SEMA4C: variants seen among roughly 807,000 people sequenced by gnomAD.
SEMA4C encodes semaphorin 4C.
SEMA4C carries 19 observed loss-of-function variants against 89.0 expected under a neutral mutation model. The ratio of observed to expected loss-of-function variants is 0.21; its 90% CI spans 0.15 to 0.31. The LOEUF is 0.31. SEMA4C is among the 10% of genes least tolerant of loss of function. SEMA4C has a pLI of 1.00. For synonymous variants in SEMA4C, 428 were observed against 472.7 expected (o/e 0.91, Z 1.23); for missense variants, 811 against 1,107.0 (o/e 0.73, Z 3.79).
chr2:96,864,185 G>C lies in SEMA4C; in HGVS notation c.1108-37C>G. On this transcript the variant is annotated intron_variant, in intron 10 of 14. Transcript: ENST00000305476. This position sits in a 1 kb window ranked among gnomAD's most constrained non-coding sequence, Gnocchi z 6.3. ...GTGTGGGGGGCAGGCCATCAGCAGG[G>C]TGGGATGGCACCGCAGCTGGGTGGG... 6.2e-7 allele frequency: 1 copy of C among 1,612,916 alleles called. No individual in the cohort carries two copies. Among genetic ancestry groups the C allele is most frequent in the Admixed American group, 1.7e-5 (1 of 60,018 alleles).
At chr2:96,866,730 TG>T (rs747256429) in intron 2 of SEMA4C, 1 of 508,372 alleles carries the variant, frequency 2.0e-6, no homozygotes, top group South Asian at 1.7e-5. Flanking sequence ...TCAGGGTCAA[TG>T]GCACCTCCGG....
Position 96,860,302 on chromosome 2 carries a change from A to G in SEMA4C, c.*324T>C, listed in dbSNP as rs1452184316. 2.6e-6 allele frequency: 1 copy of G among 379,408 alleles called. No individual in the cohort carries two copies. The highest frequency in any genetic ancestry group is 4.8e-6 in the Non-Finnish European group (1 of 209,716). The allele number at this position is 379,408 out of a possible 1,614,324, so 23.5% of individuals were successfully genotyped here. A position where few individuals can be genotyped will look rare whatever the true frequency, so the allele number is the denominator to read the frequency against. On this transcript the variant is annotated 3_prime_UTR_variant, in exon 15 of 15. Coordinates refer to ENST00000305476, the MANE Select transcript of SEMA4C (RefSeq NM_017789.5). ...CGCACGCGCGTGCACACACACATACACACACACACAAACACATGTGCAAAT... is the reference window on the plus strand; with the variant it reads ...CGCACGCGCGTGCACACACACATACGCACACACACAAACACATGTGCAAAT...
chr2:96,862,098 C>A, intron 12 of SEMA4C: 1 of 607,896 alleles, frequency 1.6e-6, no homozygotes. Context: ...AGGGCTTACA[C>A]AGGCCAGATG....
intron 1 of SEMA4C, chr2:96,868,418 G>C (rs2080130771): frequency 1.0e-6 from 1 of 1,001,720 alleles, no homozygotes; most frequent in African/African-American, 1.7e-5. Flanking sequence ...GGGGAAACCT[G>C]GTGCGGCCGG....
At position 96,864,132 on chromosome 2, in the gene SEMA4C, T is replaced by C; in HGVS notation, c.1124A>G (p.His375Arg). Reference protein sequence around the residue: ...PRPGSCINNWHRRHGYTSSLE... With the variant: ...PRPGSCINNWRRRHGYTSSLE... Reference sequence around the variant, plus strand: ...GGAGCTGGTGTAGCCGTGGCGCCGATGCCAGTTGTTAATGCACTGGGGGCA... The same window carrying C: ...GGAGCTGGTGTAGCCGTGGCGCCGACGCCAGTTGTTAATGCACTGGGGGCA... Residue 375 changes from histidine to arginine, a missense_variant, in exon 11 of 15, where the codon CAT becomes CGT. Transcript: ENST00000305476. This position sits in a 1 kb window ranked among gnomAD's most constrained non-coding sequence, Gnocchi z 6.3. The C allele has an allele frequency of 6.2e-7, 1 of 1,610,462 alleles. No homozygotes were observed. The highest frequency in any genetic ancestry group is 8.5e-7 in the Non-Finnish European group (1 of 1,179,336).
chr2:96,865,867 C>A lies in SEMA4C; in HGVS notation c.321G>T (p.Gln107His). 4 of 1,614,126 alleles carry A rather than the reference C, an allele frequency of 2.5e-6. No individual in the cohort carries two copies. The highest frequency in any genetic ancestry group is 3.4e-6 in the Non-Finnish European group (4 of 1,180,012). Residue 107 changes from glutamine (Q) to histidine (H), a missense_variant and splice_region_variant, in exon 4 of 15, where the codon CAG (glutamine) becomes CAT (histidine). Gln to His is a conservative substitution (Grantham distance 24). Transcript: ENST00000305476. ...TECIQKGKNN[Q>H]TECFNFIRFL... is the part of the protein sequence containing the mutation. ...CCAGGAGCAGCGTCCAAGCACCCACCTGGTTGTTCTTCCCTTTCTGGATAC... is the reference window on the plus strand; with the variant it reads ...CCAGGAGCAGCGTCCAAGCACCCACATGGTTGTTCTTCCCTTTCTGGATAC...
rs1222983424 is a variant in SEMA4C, at chr2:96,869,941, T to A, written c.-103A>T. The stretch of plus-strand genomic sequence containing the variant: ...TTCGGCTCTGACCGCCGTCCACCCC[T>A]GCCCCCGCGTCGCCGCCTGCCCGCG... On this transcript the variant is annotated 5_prime_UTR_variant, in exon 1 of 15. Transcript: ENST00000305476. The A allele has an allele frequency of 1.2e-5, 12 of 986,756 alleles. No homozygotes were observed. Among genetic ancestry groups the A allele is most frequent in the Non-Finnish European group, 1.4e-5 (12 of 830,738 alleles). The allele number at this position is 986,756 out of a possible 1,614,324, so 61.1% of individuals were successfully genotyped here. A position where few individuals can be genotyped will look rare whatever the true frequency, so the allele number is the denominator to read the frequency against.
intron 12 of SEMA4C, chr2:96,862,653 G>A (rs1201143023): frequency 6.6e-6 from 1 of 152,254 alleles, no homozygotes; most frequent in African/African-American, 2.4e-5. Context: ...GCAAGGTCAG[G>A]AGATCGAGAC....
chr2:96,864,514 G>T lies in SEMA4C; in HGVS notation c.963-132C>A. The T allele has an allele frequency of 2.1e-6, 3 of 1,427,276 alleles. No individual in the cohort carries two copies. The highest frequency in any genetic ancestry group is 2.9e-6 in the Non-Finnish European group (3 of 1,047,744). 88.4% of individuals were successfully genotyped at this position (1,427,276 alleles called of 1,614,324 possible). On this transcript the variant is annotated intron_variant, in intron 9 of 14. Coordinates refer to ENST00000305476, the MANE Select transcript of SEMA4C (RefSeq NM_017789.5). The surrounding 1 kb of genome is among the most constrained non-coding windows in gnomAD (Gnocchi z 6.3). Reference sequence around the variant, plus strand: ...GTACCAGAATGCCCTGGCAGCTCAAGTGCCACCTGGCATGGGGCCCTGCCC... The same window carrying T: ...GTACCAGAATGCCCTGGCAGCTCAATTGCCACCTGGCATGGGGCCCTGCCC...
chr2:96,861,511 AGAG>A lies in SEMA4C; in HGVS notation c.1673-59_1673-57del, dbSNP rs1296020354. ...TAGTGCAGGAAAGCAGGGCTGGGGA[AGAG>A]GAGAACAGAAACTCCAGCTCTGGTC... On this transcript the variant is annotated intron_variant, in intron 14 of 14. Transcript: ENST00000305476. The surrounding 1 kb of genome is among the most constrained non-coding windows in gnomAD (Gnocchi z 7.8). 3.7e-6 allele frequency: 6 copies of A among 1,608,556 alleles called. No homozygotes were observed. The highest frequency in any genetic ancestry group is 2.7e-5 in the African/African-American group (2 of 74,980).
intron 2 of SEMA4C, 34 bp from the exon 3 acceptor site, chr2:96,866,465 A>ACC (rs779132590): frequency 1.2e-5 from 19 of 1,613,296 alleles, no homozygotes; most frequent in Non-Finnish European, 1.3e-5. Flanking sequence ...GATGGGCAGG[A>ACC]CCCCTGGGGC....
upstream of SEMA4C, chr2:96,870,370 ACACT>A (rs1239660605): frequency 1.6e-5 from 15 of 948,460 alleles, no homozygotes; most frequent in Non-Finnish European, 1.9e-5. Context: ...CGGGGGAATC[ACACT>A]CACCCGATCT....
rs769665682 is a variant in SEMA4C at position 96,860,903 on chromosome 2, G to A, written c.2225C>T (p.Ser742Phe). 1.1e-5 allele frequency: 17 copies of A among 1,613,158 alleles called. No individual in the cohort carries two copies. The South Asian group carries it at 1.9e-4, about 18-fold the overall frequency. ...DPVGYYYSDG[S>F]LKIVPGHARC... ...GGCATGCCCAGGTACTATCTTAAGG[G>A]AGCCATCTGAATAGTAGTAACCGAC... The change falls in exon 15 of 15, where the codon TCC becomes TTC. Residue 742 changes from serine (S) to phenylalanine (F), a missense_variant. Transcript: ENST00000305476.
intron 2 of SEMA4C, chr2:96,866,939 T>C: frequency 3.4e-6 from 1 of 292,770 alleles, no homozygotes; most frequent in South Asian, 3.2e-5. Context: ...AGCAGGCCAC[T>C]AGGACAGGTG....
intron 2 of SEMA4C, 38 bp downstream of exon 2, chr2:96,867,740 C>T (rs2080113166): frequency 6.3e-7 from 1 of 1,593,170 alleles, no homozygotes; most frequent in Non-Finnish European, 8.6e-7. Flanking sequence ...CCTCAGCAGC[C>T]TGTCCCTGAC....
Position 96,861,818 on chromosome 2 carries a change from G to A in SEMA4C, c.1520C>T (p.Ala507Val). ...VADCMKYRSC[A>V]DCVLARDPYC... ...GGGGTCCCGGGCGAGGACACAGTCT[G>A]CACAGGAGCGATACTTCATGCAGTC... Residue 507 changes from alanine to valine, a missense_variant, in exon 13 of 15, where the codon GCA (alanine) becomes GTA (valine). Coordinates refer to ENST00000305476, the MANE Select transcript of SEMA4C (RefSeq NM_017789.5). The surrounding 1 kb of genome is among the most constrained non-coding windows in gnomAD (Gnocchi z 7.8). The A allele has an allele frequency of 1.9e-6, 3 of 1,612,944 alleles. No homozygotes were observed. The African/African-American group carries it at 4.0e-5, about 21-fold the overall frequency.
upstream of SEMA4C, chr2:96,870,173 A>G: frequency 1.0e-6 from 1 of 983,796 alleles, no homozygotes; most frequent in Non-Finnish European, 1.2e-6. Flanking sequence ...CTCGCTCAGG[A>G]GGGGGCTGCG....
intron 5 of SEMA4C, 40 bp downstream of exon 5, chr2:96,865,626 C>T (rs1357653556): frequency 2.9e-5 from 25 of 855,912 alleles, no homozygotes; most frequent in Non-Finnish European, 3.6e-5. Flanking sequence ...GTGAGGAGGG[C>T]GGGGGGCTGG....
intron 11 of SEMA4C, 33 bp downstream of exon 11, chr2:96,863,893 T>A: frequency 6.3e-7 from 1 of 1,597,862 alleles, no homozygotes; most frequent in East Asian, 2.2e-5. Flanking sequence ...TGCCCAGCCT[T>A]GAGCAGCCAT....
Sources: allele counts gnomAD v4.1 joint callset, GRCh38; gene constraint gnomAD v4.1.1; non-coding constraint Gnocchi (gnomAD v3.1); transcripts MANE v1.5; gene names NCBI Gene and HGNC (gene_info 2026-07-23, HGNC 2026-07-21).